HSDL1: variants seen among roughly 807,000 people sequenced by gnomAD.
HSDL1 encodes hydroxysteroid dehydrogenase like 1.
In HSDL1, 29 loss-of-function variants were observed where a neutral mutation model predicts 31.5. That is an observed-to-expected ratio of 0.92 (90% CI 0.69 to 1.26). The LOEUF is 1.26. Ranked by LOEUF, HSDL1 falls within the 50% of genes most tolerant of loss-of-function variation. HSDL1 has a pLI of 0.00. For synonymous variants in HSDL1, 222 were observed against 155.2 expected (o/e 1.43, Z -3.20); for missense variants, 503 against 416.6 (o/e 1.21, Z -1.81).
rs2086647313 is a variant in HSDL1 at position 84,130,072 on chromosome 16, C to A, written c.580G>T (p.Glu194Ter). The A allele has an allele frequency of 6.2e-7, 1 of 1,614,042 alleles. No individual in the cohort carries two copies. The change falls in exon 4 of 6, where the codon GAG (glutamate) becomes TAG (stop). Residue 194 changes from glutamate to a stop codon, truncating the protein, a stop_gained. Coordinates refer to ENST00000219439, the MANE Select transcript of HSDL1 (RefSeq NM_031463.5). LOFTEE classifies it high-confidence loss of function. ...MVHVVLPGMVERKKGAIVTIS... is the reference protein window; with the variant it reads ...MVHVVLPGMV ...GTGACGATGGCACCTTTCTTTCTCT[C>A]CACCATTCCCGGTAACACAACATGG...
chr16:84,133,052 A>C (rs1236295864), intron 2 of HSDL1, among the ~76,000 whole-genome samples: 41 of 152,028 alleles, frequency 2.7e-4, no homozygotes, highest in Non-Finnish European at 1.5e-4. Flanking sequence ...AGTTTGAGAA[A>C]GAATGGGGAA....
intron 1 of HSDL1, among the ~76,000 whole-genome samples, chr16:84,144,769 G>A (rs2086824675): frequency 6.6e-6 from 1 of 151,360 alleles, no homozygotes; most frequent in South Asian, 2.1e-4. Context: ...AGAGAACAGG[G>A]GTGCAGCGCC....
chr16:84,134,895 G>A (rs1357634297), intron 2 of HSDL1, among the ~76,000 whole-genome samples: 1 of 152,164 alleles, frequency 6.6e-6, no homozygotes, highest in Non-Finnish European at 1.5e-5. Flanking sequence ...CTAATAACAG[G>A]TAGGCATACA....
chr16:84,140,641 C>T (rs1277980957), intron 1 of HSDL1, among the ~76,000 whole-genome samples: 1 of 152,150 alleles, frequency 6.6e-6, no homozygotes, highest in Non-Finnish European at 1.5e-5. Context: ...GCCACTTAGC[C>T]ACCAGCCTAC....
intron 5 of HSDL1, among the ~76,000 whole-genome samples, 184 bp downstream of exon 5, chr16:84,129,364 A>C (rs2086639229): frequency 6.6e-6 from 1 of 151,970 alleles, no homozygotes; most frequent in African/African-American, 2.4e-5. Flanking sequence ...TGGGTGACAG[A>C]GCCAGACTCC....
intron 1 of HSDL1, among the ~76,000 whole-genome samples, chr16:84,141,612 A>T (rs1293307115): frequency 6.6e-6 from 1 of 151,932 alleles, no homozygotes; most frequent in African/African-American, 2.4e-5. Context: ...ACCCATTCAC[A>T]CTCCCGCCAG....
chr16:84,126,317 C>T (rs977459448), intron 5 of HSDL1, among the ~76,000 whole-genome samples: 28 of 152,038 alleles, frequency 1.8e-4, no homozygotes, highest in African/African-American at 6.5e-4. Context: ...GGGAGTCCTG[C>T]TGATGCTGCT....
At chr16:84,141,024 G>A (rs941869141) in intron 1 of HSDL1, among the ~76,000 whole-genome samples, 37 of 151,380 alleles carry the variant, frequency 2.4e-4, no homozygotes, top group Non-Finnish European at 5.3e-4. Flanking sequence ...CCGGAAGGCG[G>A]AGCTTGCAGT....
At chr16:84,137,517 A>G (rs1394614768) in intron 1 of HSDL1, among the ~76,000 whole-genome samples, 1 of 151,994 alleles carries the variant, frequency 6.6e-6, no homozygotes, top group African/African-American at 2.4e-5. Flanking sequence ...GCAGGGGAGG[A>G]GGGGGGCTCC....
At chr16:84,141,703 A>G (rs921593092) in intron 1 of HSDL1, among the ~76,000 whole-genome samples, 1 of 152,194 alleles carries the variant, frequency 6.6e-6, no homozygotes, top group African/African-American at 2.4e-5. Flanking sequence ...TGGCTGTGAA[A>G]TGGTATCTCA....
chr16:84,140,335 G>A (rs2086754600), intron 1 of HSDL1, among the ~76,000 whole-genome samples: 1 of 152,152 alleles, frequency 6.6e-6, no homozygotes, highest in South Asian at 2.1e-4. Context: ...TGCAATTTCT[G>A]CTCACTGCAA....
chr16:84,126,089 CA>C (rs972566084), intron 5 of HSDL1, among the ~76,000 whole-genome samples: 4 of 121,748 alleles, frequency 3.3e-5, no homozygotes, highest in African/African-American at 1.3e-4. Flanking sequence ...GGCAACAGAG[CA>C]AAACTCTGTC....
intron 2 of HSDL1, among the ~76,000 whole-genome samples, chr16:84,132,015 C>T (rs4082806): frequency 0.47 from 71,920 of 151,956 alleles, 17,604 homozygotes; most frequent in African/African-American, 0.61. Context: ...ATTTAACATC[C>T]GTAGCTTATA....
intron 1 of HSDL1, among the ~76,000 whole-genome samples, chr16:84,138,605 A>C (rs959028713): frequency 4.1e-4 from 63 of 152,354 alleles, no homozygotes; most frequent in African/African-American, 1.5e-3. Flanking sequence ...TTTGTCAATT[A>C]TACTTCGATG....
intron 5 of HSDL1, among the ~76,000 whole-genome samples, chr16:84,126,186 T>A (rs541967580): frequency 4.0e-5 from 6 of 151,234 alleles, no homozygotes; most frequent in Non-Finnish European, 7.4e-5. Flanking sequence ...TAGTACTCTA[T>A]GAGAAAACTG....
chr16:84,130,828 G>C lies in HSDL1; in HGVS notation c.220+274C>G, dbSNP rs563541232. The C allele has an allele frequency of 3.8e-5, 16 of 416,674 alleles. No individual in the cohort carries two copies. In the East Asian group the frequency reaches 5.6e-4, roughly 15 times the overall value. The allele number at this position is 416,674 out of a possible 1,614,324, so 25.8% of individuals were successfully genotyped here. ...ACACTTTCAAGACAATTTTAAAACA[G>C]AGAACAAAAAGGAAAAGCACATAGT... is the stretch of plus-strand genomic sequence containing the variant. On this transcript the variant is annotated intron_variant, in intron 3 of 5. Transcript: ENST00000219439.
chr16:84,131,492 T>C (rs944736108), intron 2 of HSDL1, among the ~76,000 whole-genome samples, 165 bp from the exon 3 acceptor site: 1 of 143,608 alleles, frequency 7.0e-6, no homozygotes, highest in East Asian at 2.0e-4. Context: ...AGTCTATCTA[T>C]CTATCTATCT....
In HSDL1 at chr16:84,129,695, G is replaced by C; in HGVS notation, c.747C>G (p.Phe249Leu). 2 of 1,614,204 alleles carry C rather than the reference G, an allele frequency of 1.2e-6. No homozygotes were observed. Among genetic ancestry groups the C allele is most frequent in the East Asian group, 2.2e-5 (1 of 44,884 alleles). The change falls in exon 5 of 6, where the codon TTC (phenylalanine) becomes TTG (leucine). Residue 249 changes from phenylalanine to leucine, a missense_variant. Coordinates refer to ENST00000219439, the MANE Select transcript of HSDL1 (RefSeq NM_031463.5). ...GTGCTGTCATGCTGGTGGCTACATA[G>C]AAAGGGATTAGACTCTGTACAAAGA... ...KGIFVQSLIP[F>L]YVATSMTAPS...
At chr16:84,130,937 T>C in intron 3 of HSDL1, 165 bp downstream of exon 3, 1 of 632,060 alleles carries the variant, frequency 1.6e-6, no homozygotes. Flanking sequence ...CTTCCTAAGA[T>C]GAGAGCAGTA....
Sources: gnomAD v4.1 joint callset for allele counts (sites outside exome capture counted in the v4.1 genomes callset) on GRCh38, gnomAD v4.1.1 for gene constraint, MANE v1.5 for transcripts, NCBI Gene and HGNC (gene_info 2026-07-23, HGNC 2026-07-21) for gene names.